ZNF433: variants seen among roughly 807,000 people sequenced by gnomAD.
ZNF433 encodes zinc finger protein 433.
In ZNF433, 12 loss-of-function variants were observed where a neutral mutation model predicts 10.6. The observed-to-expected ratio is 1.13, with a 90% CI of 0.72 to 1.83. The LOEUF is 1.83. ZNF433 is among the 40% of genes most tolerant of loss of function. The pLI is 0.00. For synonymous variants in ZNF433, 272 were observed against 271.3 expected (o/e 1.00, Z -0.02); for missense variants, 737 against 798.0 (o/e 0.92, Z 0.92).
Position 12,015,698 on chromosome 19 carries a change from C to G in ZNF433, c.1160G>C (p.Gly387Ala). Residue 387 changes from glycine (G) to alanine (A), a missense_variant, in exon 4 of 4, where the codon GGA becomes GCA. Gly to Ala is a moderately conservative substitution (Grantham distance 60, BLOSUM62 0). Transcript: ENST00000550507. ...SLQTHEKTHT[G>A]EKPYKCNQCG... ...TTGGTTGCATTTATAGGGTTTCTCT[C>G]CAGTGTGAGTTTTTTCATGTGTTTG... The G allele has an allele frequency of 6.2e-7, 1 of 1,613,764 alleles. No individual in the cohort carries two copies. Among genetic ancestry groups the G allele is most frequent in the Non-Finnish European group, 8.5e-7 (1 of 1,179,950 alleles).
chr19:12,014,758 A>G lies in ZNF433; in HGVS notation c.*87T>C. 1 of 957,126 alleles carries G rather than the reference A, an allele frequency of 1.0e-6. No homozygotes were observed. The highest frequency in any genetic ancestry group is 2.7e-5 in the East Asian group (1 of 36,468). 59.3% of individuals were successfully genotyped at this position (957,126 alleles called of 1,614,324 possible). On this transcript the variant is annotated 3_prime_UTR_variant, in exon 4 of 4. Transcript: ENST00000550507. ...CTTTTTATTTATTTATTTAATTTTT[A>G]TAACAGAGTCTCACTATGTTGCCCA...
Position 12,015,884 on chromosome 19 carries a change from T to C in ZNF433, c.974A>G (p.His325Arg). Residue 325 changes from histidine (H) to arginine (R), a missense_variant, in exon 4 of 4, where the codon CAT (histidine) becomes CGT (arginine). Transcript: ENST00000550507. ...TTTTTTCCTAGAGTGGGTTCTTTCA[T>C]GTCTGCGAACAGAACTGGGACACTT... ...AFKCPSSVRR[H>R]ERTHSRKKPY... is the part of the protein sequence containing the mutation. The C allele has an allele frequency of 1.9e-6, 3 of 1,613,958 alleles. No homozygotes were observed. The highest frequency in any genetic ancestry group is 2.5e-6 in the Non-Finnish European group (3 of 1,179,942).
chr19:12,014,999 C>T lies in ZNF433; in HGVS notation c.1859G>A (p.Cys620Tyr), dbSNP rs766095889. 4.3e-6 allele frequency: 7 copies of T among 1,613,836 alleles called. No individual in the cohort carries two copies. The highest frequency in any genetic ancestry group is 2.2e-5 in the East Asian group (1 of 44,868). The change falls in exon 4 of 4, where the codon TGT becomes TAT. Residue 620 changes from cysteine (C) to tyrosine (Y), a missense_variant. Cys to Tyr is a radical substitution (Grantham distance 194). Coordinates refer to ENST00000550507, the MANE Select transcript of ZNF433 (RefSeq NM_001308348.2). ...TGAGGGACATCCAAAAGCTTTCCCA[C>T]ATTGCTTACATTTATACGGTTTCTC... ...TGEKPYKCKQ[C>Y]GKAFGCPSNL...
intron 1 of ZNF433, among the ~76,000 whole-genome samples, chr19:12,028,720 A>G (rs1481980120): frequency 6.6e-6 from 1 of 152,146 alleles, no homozygotes; most frequent in East Asian, 1.9e-4. Context: ...TTGTTTAGGG[A>G]CAGGTTCTTG....
chr19:12,018,185 G>A lies in ZNF433; in HGVS notation c.111C>T (p.Phe37=). 6.2e-7 allele frequency: 1 copy of A among 1,602,990 alleles called. No individual in the cohort carries two copies. Among genetic ancestry groups the A allele is most frequent in the South Asian group, 1.1e-5 (1 of 89,366 alleles). Residue 37 remains phenylalanine (F), a synonymous_variant, in exon 2 of 4, where the codon TTC becomes TTT. Transcript: ENST00000550507. ...CCTTACCTATAGAGGCCAGGTTCCTGAAGGTTTCTTGCATCACATCTCTAC... is the reference window on the plus strand; with the variant it reads ...CCTTACCTATAGAGGCCAGGTTCCTAAAGGTTTCTTGCATCACATCTCTAC... ...NLCRDVMQET[F]RNLASIGKKW...
At chr19:12,031,240 G>A (rs188532859) in intron 1 of ZNF433, among the ~76,000 whole-genome samples, 2 of 147,208 alleles carry the variant, frequency 1.4e-5, no homozygotes, top group East Asian at 2.0e-4. Flanking sequence ...AGGTTGCAGT[G>A]AGCAGAGATT....
At position 12,014,854 on chromosome 19, in the gene ZNF433, G is replaced by C. The variant is rs1974074771; in HGVS notation, c.2004C>G (p.Asp668Glu). Residue 668 changes from aspartate (D) to glutamate (E), a missense_variant, in exon 4 of 4, where the codon GAC (aspartate) becomes GAG (glutamate). Physicochemically the swap from Asp to Glu is conservative, Grantham distance 45. Coordinates refer to ENST00000550507, the MANE Select transcript of ZNF433 (RefSeq NM_001308348.2). ...CTCCTAAAGCCTGGGGTTATGGGGTGTCTATGCAGTGAGCCCTTCCATGCA... is the reference window on the plus strand; with the variant it reads ...CTCCTAAAGCCTGGGGTTATGGGGTCTCTATGCAGTGAGCCCTTCCATGCA... Reference protein sequence around the residue: ...LQVHGRAHCIDTP With the variant: ...LQVHGRAHCIETP 6.4e-7 allele frequency: 1 copy of C among 1,573,580 alleles called. No homozygotes were observed. The highest frequency in any genetic ancestry group is 1.3e-5 in the African/African-American group (1 of 74,240).
chr19:12,021,859 C>G, intron 1 of ZNF433: 1 of 432,330 alleles, frequency 2.3e-6, no homozygotes, highest in South Asian at 1.6e-5. Context: ...CTGCTGTTAT[C>G]CCATAAACTT....
At chr19:12,023,336 A>G (rs901550220) in intron 1 of ZNF433, 3 of 152,214 alleles carry the variant, frequency 2.0e-5, no homozygotes, top group African/African-American at 7.2e-5. Flanking sequence ...GAGTGCAAGT[A>G]CATACAGGAG....
chr19:12,035,190 C>T (rs1195077757), intron 1 of ZNF433, among the ~76,000 whole-genome samples: 2 of 151,924 alleles, frequency 1.3e-5, no homozygotes, highest in Non-Finnish European at 2.9e-5. Flanking sequence ...CACAGCCCAC[C>T]CTCCTCCTAC....
chr19:12,025,037 A>C (rs903941518), intron 1 of ZNF433: 1 of 152,232 alleles, frequency 6.6e-6, no homozygotes, highest in Non-Finnish European at 1.5e-5. Flanking sequence ...TCTCCCTAAA[A>C]TAACTAAATT....
Position 12,018,267 on chromosome 19 carries a change from G to A in ZNF433, c.29C>T (p.Ala10Val). The change falls in exon 2 of 4, where the codon GCT becomes GTT. Residue 10 changes from alanine to valine, a missense_variant. Ala to Val is a moderately conservative substitution (Grantham distance 64). Transcript: ENST00000550507. MDSVAFEDV[A>V]VTFTQEEWAL... is the part of the protein sequence containing the mutation. ...CCACTCCTCTTGGGTGAAGGTCACA[G>A]CCACATCCTCAAAGGCCACTGAATC... The A allele has an allele frequency of 1.2e-6, 2 of 1,613,686 alleles. No homozygotes were observed. Among genetic ancestry groups the A allele is most frequent in the South Asian group, 2.2e-5 (2 of 91,030 alleles).
chr19:12,031,945 CT>C (rs578040123), intron 1 of ZNF433, among the ~76,000 whole-genome samples: 259 of 107,474 alleles, frequency 2.4e-3, no homozygotes, highest in African/African-American at 5.2e-3. Context: ...TTCTCTTTTT[CT>C]TTTTTTTTTT....
Position 12,017,467 on chromosome 19 carries a change from T to C in ZNF433, c.191+409A>G, listed in dbSNP as rs570402853. On this transcript the variant is annotated intron_variant, in intron 3 of 3. Transcript: ENST00000550507. ...ACCCACCCTCCTCGGCCTTCCAAAG[T>C]GCTGGGATTACAGGCGTGAGCCACC... Among the ~76,000 whole-genome samples, 168 of 152,334 alleles carry C rather than the reference T, an allele frequency of 1.1e-3. 1 individual carries two copies. Among genetic ancestry groups the C allele is most frequent in the Non-Finnish European group, 1.7e-3 (114 of 68,036 alleles).
Position 12,016,303 on chromosome 19 carries a change from G to T in ZNF433, c.555C>A (p.His185Gln). Reference sequence around the variant, plus strand: ...GTCCATCTCCACGGTGCATTATCCTGTGTCTTTGAAGGTTTGAATGGGAAA... The same window carrying T: ...GTCCATCTCCACGGTGCATTATCCTTTGTCTTTGAAGGTTTGAATGGGAAA... ...TFISHSNLQRHRIMHRGDGPY... is the reference protein window; with the variant it reads ...TFISHSNLQRQRIMHRGDGPY... The change falls in exon 4 of 4, where the codon CAC becomes CAA. Residue 185 changes from histidine (H) to glutamine (Q), a missense_variant. Physicochemically the swap from His to Gln is conservative, Grantham distance 24. Transcript: ENST00000550507. 6.2e-7 allele frequency: 1 copy of T among 1,614,190 alleles called. No homozygotes were observed. Among genetic ancestry groups the T allele is most frequent in the Non-Finnish European group, 8.5e-7 (1 of 1,180,032 alleles).
chr19:12,033,591 G>A (rs1454357150), intron 1 of ZNF433, among the ~76,000 whole-genome samples: 1 of 152,052 alleles, frequency 6.6e-6, no homozygotes, highest in African/African-American at 2.4e-5. Flanking sequence ...GGGAGGCCAA[G>A]GCGGGTGGAT....
At chr19:12,031,595 G>T (rs1413121832) in intron 1 of ZNF433, among the ~76,000 whole-genome samples, 3 of 152,324 alleles carry the variant, frequency 2.0e-5, no homozygotes, top group Admixed American at 6.5e-5. Context: ...AGTGAGCCAA[G>T]ATCGTGCCAC....
At position 12,015,457 on chromosome 19, in the gene ZNF433, C is replaced by A. The variant is rs372249167; in HGVS notation, c.1401G>T (p.Arg467Ser). ...CATACGGCTTCTCTTCTCTGTGCAT[C>A]CTTTCATGTATTTGAAAGAAAGAGA... ...SNFSFFQIHERMHREEKPYEC... is the reference protein window; with the variant it reads ...SNFSFFQIHESMHREEKPYEC... Residue 467 changes from arginine to serine, a missense_variant, in exon 4 of 4, where the codon AGG (arginine) becomes AGT (serine). Arg to Ser is a moderately radical substitution (Grantham distance 110). Coordinates refer to ENST00000550507, the MANE Select transcript of ZNF433 (RefSeq NM_001308348.2). The A allele has an allele frequency of 1.9e-6, 3 of 1,613,886 alleles. No individual in the cohort carries two copies. In the Admixed American group the frequency reaches 5.0e-5, roughly 27 times the overall value.
chr19:12,034,623 A>G, intron 1 of ZNF433: 1 of 309,918 alleles, frequency 3.2e-6, no homozygotes. Context: ...CACAAAATCT[A>G]AAGAAACAGG....
Sources: gnomAD v4.1 joint callset for allele counts (sites outside exome capture counted in the v4.1 genomes callset) on GRCh38, gnomAD v4.1.1 for gene constraint, MANE v1.5 for transcripts, NCBI Gene and HGNC (gene_info 2026-07-23, HGNC 2026-07-21) for gene names.